The following ADCY2 variants were observed in gnomAD, a reference collection of about 807,000 sequenced individuals.
ADCY2 encodes adenylate cyclase 2.
ADCY2 carries 31 observed loss-of-function variants against 125.2 expected under a neutral mutation model. The ratio of observed to expected loss-of-function variants is 0.25; its 90% CI spans 0.19 to 0.33. ADCY2 has a LOEUF of 0.33. Among genes scored for constraint, ADCY2 ranks in the 10% least tolerant of loss-of-function variants. ADCY2 has a pLI of 1.00. For missense variants in ADCY2, 904 were observed against 1,418.2 expected (o/e 0.64, Z 5.82); for synonymous variants, 512 against 548.4 (o/e 0.93, Z 0.93).
At chr5:7,524,832 A>G (rs1425765035) in intron 3 of ADCY2, among the ~76,000 whole-genome samples, 1 of 152,134 alleles carries the variant, frequency 6.6e-6, no homozygotes, top group Non-Finnish European at 1.5e-5. Flanking sequence ...ACTCTTTCAC[A>G]TAGAAATTAC....
At position 7,573,206 on chromosome 5, in the gene ADCY2, G is replaced by A. The variant is rs139738609; in HGVS notation, c.570+52307G>A. On this transcript the variant is annotated intron_variant, in intron 3 of 24. Transcript: ENST00000338316. The stretch of plus-strand genomic sequence containing the variant: ...TATTCTACCTAGTCTGTGGTACTTC[G>A]TTATGACACCACTAGCAAATCAATG... Among the ~76,000 whole-genome samples, 880 of 152,254 alleles carry A rather than the reference G, an allele frequency of 5.8e-3. 5 individuals are homozygous for A. Among genetic ancestry groups the A allele is most frequent in the Admixed American group, 0.013 (197 of 15,294 alleles).
chr5:7,681,310 C>T (rs992816728), intron 4 of ADCY2, among the ~76,000 whole-genome samples: 3 of 152,200 alleles, frequency 2.0e-5, no homozygotes, highest in African/African-American at 7.2e-5. Flanking sequence ...TCAGTGCCCA[C>T]AGGGACAATT....
At chr5:7,797,349 A>T (rs1744452137) in intron 20 of ADCY2, 1 of 152,200 alleles carries the variant, frequency 6.6e-6, no homozygotes, top group African/African-American at 2.4e-5. Context: ...GAGGTGGGAG[A>T]CCTGAGCGCC....
At chr5:7,743,301 G>A (rs181294563) in intron 14 of ADCY2, among the ~76,000 whole-genome samples, 17 of 152,124 alleles carry the variant, frequency 1.1e-4, no homozygotes, top group Admixed American at 2.6e-4. Context: ...CTGTCCTTAA[G>A]GCGGCAGCTG....
At chr5:7,817,200 G>T (rs1014054969) in intron 23 of ADCY2, among the ~76,000 whole-genome samples, 7 of 151,836 alleles carry the variant, frequency 4.6e-5, no homozygotes, top group Non-Finnish European at 8.8e-5. Flanking sequence ...TCAAGGTCGC[G>T]TCTACAAACA....
rs1560959293 is a variant in ADCY2 at position 7,761,133 on chromosome 5, C to CTTT, written c.2094+3549_2094+3551dup. ...TGTGTATGTGTGTGTATCAAAATTTCTTTTCTTTTCTTTTCTTTTTTTTTT... is the reference window on the plus strand; with the variant it reads ...TGTGTATGTGTGTGTATCAAAATTTCTTTTTTTCTTTTCTTTTCTTTTTTTTTT... On this transcript the variant is annotated intron_variant, in intron 16 of 24. Coordinates refer to ENST00000338316, the MANE Select transcript of ADCY2 (RefSeq NM_020546.3). Among the ~76,000 whole-genome samples the CTTT allele has an allele frequency of 1.2e-4, 9 of 72,994 alleles. 1 individual carries two copies. Among genetic ancestry groups the CTTT allele is most frequent in the African/African-American group, 4.9e-4 (9 of 18,482 alleles). The allele number at this position is 72,994 out of a possible 152,430, so 47.9% of individuals were successfully genotyped here.
Position 7,766,891 on chromosome 5 carries a change from T to C in ADCY2, c.2214+85T>C, listed in dbSNP as rs1347615568. 1.5e-5 allele frequency: 21 copies of C among 1,447,168 alleles called. No homozygotes were observed. In the Admixed American group the frequency reaches 5.4e-4, roughly 37 times the overall value. The allele number at this position is 1,447,168 out of a possible 1,614,324, so 89.6% of individuals were successfully genotyped here. ...AACATATATCCTTTAGTCTCAGATCTGTTCTAGACTTTGCATTTCCTCTCT... is the reference window on the plus strand; with the variant it reads ...AACATATATCCTTTAGTCTCAGATCCGTTCTAGACTTTGCATTTCCTCTCT... On this transcript the variant is annotated intron_variant, in intron 17 of 24. Coordinates refer to ENST00000338316, the MANE Select transcript of ADCY2 (RefSeq NM_020546.3).
chr5:7,707,331 T>C (rs1471155316), intron 8 of ADCY2, among the ~76,000 whole-genome samples: 3 of 152,212 alleles, frequency 2.0e-5, no homozygotes, highest in African/African-American at 7.2e-5. Context: ...GGCTGTAGTT[T>C]AGAGAAGCAC....
At chr5:7,447,903 G>A (rs1741330607) in intron 2 of ADCY2, among the ~76,000 whole-genome samples, 1 of 152,190 alleles carries the variant, frequency 6.6e-6, no homozygotes, top group African/African-American at 2.4e-5. Flanking sequence ...GGACCTAATG[G>A]GGCTGCAGAA....
intron 4 of ADCY2, among the ~76,000 whole-genome samples, chr5:7,655,812 A>C (rs1739302754): frequency 6.6e-6 from 1 of 152,054 alleles, no homozygotes; most frequent in Non-Finnish European, 1.5e-5. Context: ...ATGGTGTAGG[A>C]ATTGTGGGGA....
intron 2 of ADCY2, among the ~76,000 whole-genome samples, chr5:7,471,613 G>A (rs1428398): frequency 0.047 from 7,194 of 151,852 alleles, 550 homozygotes; most frequent in African/African-American, 0.16. Context: ...ATATTTTAGA[G>A]TTATTTTAAA....
At chr5:7,809,754 G>A (rs547511566) in intron 22 of ADCY2, among the ~76,000 whole-genome samples, 1 of 152,308 alleles carries the variant, frequency 6.6e-6, no homozygotes, top group South Asian at 2.1e-4. Flanking sequence ...TAGTGAGGCA[G>A]GGCTTTTGTG....
intron 18 of ADCY2, among the ~76,000 whole-genome samples, chr5:7,777,477 A>G (rs1579424045): frequency 6.6e-6 from 1 of 152,212 alleles, no homozygotes; most frequent in African/African-American, 2.4e-5. Context: ...TCTTCGCCTC[A>G]CCTGCTTCCC....
chr5:7,698,914 T>G (rs1453827542), intron 7 of ADCY2, among the ~76,000 whole-genome samples: 3 of 152,048 alleles, frequency 2.0e-5, no homozygotes, highest in African/African-American at 7.2e-5. Context: ...GTAATGGGAC[T>G]GCTGGGTCAA....
At chr5:7,707,359 A>T (rs147986414) in intron 8 of ADCY2, among the ~76,000 whole-genome samples, 118 of 152,340 alleles carry the variant, frequency 7.7e-4, no homozygotes, top group African/African-American at 2.7e-3. Flanking sequence ...AGCACTGAGA[A>T]AGAAAGTCTA....
intron 4 of ADCY2, among the ~76,000 whole-genome samples, chr5:7,667,462 G>T (rs1739796031): frequency 6.6e-6 from 1 of 152,120 alleles, no homozygotes; most frequent in Admixed American, 6.5e-5. Context: ...TTGAGTAACT[G>T]TTTCTCAGTA....
intron 2 of ADCY2, among the ~76,000 whole-genome samples, chr5:7,429,117 G>A (rs1293115926): frequency 3.3e-5 from 5 of 152,044 alleles, no homozygotes; most frequent in Non-Finnish European, 7.3e-5. Context: ...ATCTACTGAG[G>A]CCAAAGAAAA....
chr5:7,778,662 C>A (rs974520887), intron 18 of ADCY2, among the ~76,000 whole-genome samples: 2 of 152,224 alleles, frequency 1.3e-5, no homozygotes, highest in African/African-American at 4.8e-5. Context: ...ATGAACTAAG[C>A]ACCTTCCTTG....
intron 2 of ADCY2, among the ~76,000 whole-genome samples, chr5:7,447,477 C>A (rs1292515669): frequency 6.6e-6 from 1 of 152,170 alleles, no homozygotes; most frequent in African/African-American, 2.4e-5. Flanking sequence ...AGGGCCTGTC[C>A]AGCTCTGTGC....
Sources: gnomAD v4.1 joint callset for allele counts (sites outside exome capture counted in the v4.1 genomes callset) on GRCh38, gnomAD v4.1.1 for gene constraint, MANE v1.5 for transcripts, NCBI Gene and HGNC (gene_info 2026-07-23, HGNC 2026-07-21) for gene names.